Variants in XRCC4 observed in about 807,000 individuals in gnomAD.
XRCC4 encodes X-ray repair cross complementing 4.
In XRCC4, 28 loss-of-function variants were observed where a neutral mutation model predicts 39.1. That is an observed-to-expected ratio of 0.72 (90% CI 0.53 to 0.98). XRCC4 has a LOEUF of 0.98. Ranked by LOEUF, XRCC4 falls within the 50% of genes least tolerant of loss-of-function variation. The pLI, the probability that XRCC4 is intolerant of heterozygous loss-of-function variation, is 0.00. For missense variants in XRCC4, 350 were observed against 376.4 expected, an observed-to-expected ratio of 0.93 and a Z score of 0.58; for synonymous variants, 123 against 126.4, an observed-to-expected ratio of 0.97 and a Z score of 0.18.
At chr5:83,271,079 C>A (rs1754131767) in intron 7 of XRCC4, among the ~76,000 whole-genome samples, 1 of 152,084 alleles carries the variant, frequency 6.6e-6, no homozygotes, top group Non-Finnish European at 1.5e-5. Flanking sequence ...GCACCATGAA[C>A]CTGATTGAAG....
chr5:83,196,300 A>G (rs1177050329), intron 4 of XRCC4, among the ~76,000 whole-genome samples: 1 of 152,078 alleles, frequency 6.6e-6, no homozygotes, highest in African/African-American at 2.4e-5. Flanking sequence ...TAAAATAAGC[A>G]TAATTGATTT....
rs190394483 is a variant in XRCC4, at chr5:83,193,755, C to A, written c.316-2015C>A. Among the ~76,000 whole-genome samples, 34 of 152,308 alleles carry A rather than the reference C, an allele frequency of 2.2e-4. No homozygotes were observed. The East Asian group carries it at 6.6e-3, about 29-fold the overall frequency. On this transcript the variant is annotated intron_variant, in intron 3 of 7. Coordinates refer to ENST00000396027, the MANE Select transcript of XRCC4 (RefSeq NM_003401.5). ...TTTTTATTTCTAAAAATGTCCACTT[C>A]TCTCAAAGCTACCTGACAATTGTTA...
chr5:83,191,505 C>A (rs1420738418), intron 3 of XRCC4, among the ~76,000 whole-genome samples: 1 of 152,084 alleles, frequency 6.6e-6, no homozygotes, highest in African/African-American at 2.4e-5. Context: ...GAGTTCGAGA[C>A]CAGCCTGACC....
intron 7 of XRCC4, among the ~76,000 whole-genome samples, chr5:83,339,022 G>A (rs762205564): frequency 1.7e-4 from 26 of 152,196 alleles, no homozygotes; most frequent in Non-Finnish European, 2.4e-4. Flanking sequence ...AATTCTGAGC[G>A]TAGACTGTGT....
intron 3 of XRCC4, among the ~76,000 whole-genome samples, chr5:83,160,945 G>A (rs1459579312): frequency 6.6e-6 from 1 of 151,964 alleles, no homozygotes; most frequent in Non-Finnish European, 1.5e-5. Flanking sequence ...TTAATATGGT[G>A]CTTATGTGGG....
chr5:83,236,510 A>G (rs1430731489), intron 6 of XRCC4, among the ~76,000 whole-genome samples: 1 of 152,162 alleles, frequency 6.6e-6, no homozygotes, highest in Non-Finnish European at 1.5e-5. Flanking sequence ...GGATATCTAT[A>G]TGCAGAAAAA....
chr5:83,127,337 C>T (rs796339208), intron 3 of XRCC4, among the ~76,000 whole-genome samples: 1 of 151,972 alleles, frequency 6.6e-6, no homozygotes, highest in Non-Finnish European at 1.5e-5. Context: ...GTGGGAGGGA[C>T]CTGGTAGATG....
intron 3 of XRCC4, among the ~76,000 whole-genome samples, chr5:83,117,629 ATATGTGTGTGTGTGTG>A (rs918691431): frequency 1.3e-4 from 18 of 137,904 alleles, no homozygotes; most frequent in African/African-American, 2.5e-4. Context: ...AGCTACATAT[ATATGTGTGTGTGTGTG>A]TGTGTGTGTG....
At chr5:83,315,943 T>A (rs1755866242) in intron 7 of XRCC4, among the ~76,000 whole-genome samples, 1 of 152,154 alleles carries the variant, frequency 6.6e-6, no homozygotes, top group South Asian at 2.1e-4. Flanking sequence ...ACAACTGCCA[T>A]AGATAGTGAT....
At chr5:83,327,578 A>G (rs1344753385) in intron 7 of XRCC4, among the ~76,000 whole-genome samples, 4 of 152,082 alleles carry the variant, frequency 2.6e-5, no homozygotes, top group Non-Finnish European at 2.9e-5. Context: ...TTCATATTGT[A>G]TATGTATATA....
intron 3 of XRCC4, among the ~76,000 whole-genome samples, chr5:83,150,079 T>C (rs1414244011): frequency 6.6e-6 from 1 of 152,184 alleles, no homozygotes; most frequent in Non-Finnish European, 1.5e-5. Flanking sequence ...GATAATTAAA[T>C]TTAATCTTCT....
chr5:83,266,941 A>G (rs148036736), intron 7 of XRCC4, among the ~76,000 whole-genome samples: 4 of 152,184 alleles, frequency 2.6e-5, no homozygotes, highest in Non-Finnish European at 4.4e-5. Flanking sequence ...GAATAGAACA[A>G]TGAAGGAGGA....
intron 7 of XRCC4, among the ~76,000 whole-genome samples, chr5:83,279,096 A>G (rs1194689650): frequency 6.8e-6 from 1 of 146,690 alleles, no homozygotes; most frequent in Admixed American, 6.9e-5. Flanking sequence ...TAAAATATAT[A>G]TAATATATAT....
intron 7 of XRCC4, among the ~76,000 whole-genome samples, chr5:83,293,017 CT>C (rs915662625): frequency 2.0e-5 from 3 of 151,300 alleles, no homozygotes; most frequent in African/African-American, 7.3e-5. Context: ...TATTATAGAC[CT>C]TTTTTTTACT....
chr5:83,123,377 C>G (rs1011977483), intron 3 of XRCC4, among the ~76,000 whole-genome samples: 1 of 151,880 alleles, frequency 6.6e-6, no homozygotes, highest in Admixed American at 6.6e-5. Flanking sequence ...TTGGAATCCA[C>G]GTGGAATATT....
intron 1 of XRCC4, among the ~76,000 whole-genome samples, chr5:83,081,983 G>A (rs1424323480): frequency 1.3e-5 from 2 of 152,052 alleles, no homozygotes; most frequent in Admixed American, 1.3e-4. Context: ...TAAATCTTTG[G>A]AGTCATCCTT....
At chr5:83,109,173 G>C (rs1746334081) in intron 2 of XRCC4, among the ~76,000 whole-genome samples, 1 of 151,798 alleles carries the variant, frequency 6.6e-6, no homozygotes, top group Non-Finnish European at 1.5e-5. Flanking sequence ...GTATGAAAAT[G>C]TGTGTTCCAT....
chr5:83,195,899 G>T lies in XRCC4; in HGVS notation c.445G>T (p.Glu149Ter), dbSNP rs771655215. The T allele has an allele frequency of 1.1e-5, 17 of 1,612,138 alleles. No homozygotes were observed. The highest frequency in any genetic ancestry group is 1.3e-5 in the Non-Finnish European group (15 of 1,178,906). The change falls in exon 4 of 8, where the codon GAA becomes TAA. Residue 149 changes from glutamate to a stop codon, truncating the protein, a stop_gained. Coordinates refer to ENST00000396027, the MANE Select transcript of XRCC4 (RefSeq NM_003401.5). LOFTEE classifies it high-confidence loss of function. ...AAATGAGCACCTGCAGAAAGAAAAT[G>T]AAAGGCTTCTGAGAGATTGGAATGA... ...AKNEHLQKEN[E>*]RLLRDWNDVQ...
At chr5:83,152,099 A>G (rs1210960758) in intron 3 of XRCC4, among the ~76,000 whole-genome samples, 1 of 152,260 alleles carries the variant, frequency 6.6e-6, no homozygotes, top group Non-Finnish European at 1.5e-5. Flanking sequence ...GCAAAATTGA[A>G]GTAATAGTTC....
Sources: gnomAD v4.1 joint callset for allele counts (sites outside exome capture counted in the v4.1 genomes callset) on GRCh38, gnomAD v4.1.1 for gene constraint, MANE v1.5 for transcripts, NCBI Gene and HGNC (gene_info 2026-07-23, HGNC 2026-07-21) for gene names.